Variants in STXBP4 observed in about 807,000 individuals in gnomAD.
STXBP4 encodes syntaxin-binding protein 4.
A neutral mutation model predicts 76.1 loss-of-function variants in STXBP4; 55 were observed. The ratio of observed to expected loss-of-function variants is 0.72; its 90% CI spans 0.58 to 0.91. STXBP4 has a LOEUF of 0.91. STXBP4 is among the 40% of genes least tolerant of loss of function. STXBP4 has a pLI of 0.00. For missense variants in STXBP4, 618 were observed against 636.9 expected, an observed-to-expected ratio of 0.97 and a Z score of 0.32; for synonymous variants, 201 against 220.2, an observed-to-expected ratio of 0.91 and a Z score of 0.77.
At chr17:54,984,715 G>T (rs1205101942) in intron 1 of STXBP4, among the ~76,000 whole-genome samples, 1 of 152,108 alleles carries the variant, frequency 6.6e-6, no homozygotes, top group Non-Finnish European at 1.5e-5. Flanking sequence ...TTGTGAATCA[G>T]TTGCTGATGT....
At chr17:55,124,448 A>G (rs992054282) in intron 16 of STXBP4, among the ~76,000 whole-genome samples, 5 of 152,254 alleles carry the variant, frequency 3.3e-5, no homozygotes, top group South Asian at 2.1e-4. Flanking sequence ...AGGGAATACA[A>G]TGAGATTAAA....
the STXBP4 span, among the ~76,000 whole-genome samples, chr17:55,190,640 G>A: frequency 1.3e-5 from 2 of 152,138 alleles, no homozygotes; most frequent in Non-Finnish European, 2.9e-5. Flanking sequence ...ACAAAGGAAG[G>A]AATGGTGGAT....
intron 16 of STXBP4, among the ~76,000 whole-genome samples, chr17:55,087,507 A>G (rs971308326): frequency 2.0e-5 from 3 of 152,174 alleles, no homozygotes; most frequent in Non-Finnish European, 4.4e-5. Flanking sequence ...TGAAGAGACT[A>G]TCCTTTCCCA....
Position 55,061,543 on chromosome 17 carries a change from A to G in STXBP4, c.1012-11357A>G, listed in dbSNP as rs112743989. Among the ~76,000 whole-genome samples the G allele has an allele frequency of 2.6e-4, 39 of 152,286 alleles. 2 individuals carry two copies. Among genetic ancestry groups the G allele is most frequent in the African/African-American group, 8.7e-4 (36 of 41,566 alleles). ...AAATGTTCCTGTTTCCATTTCAGAT[A>G]GTCACTGTGGCCTCAGAATGCCAGC... On this transcript the variant is annotated intron_variant, in intron 12 of 17. Transcript: ENST00000376352.
At chr17:55,184,947 C>T in the STXBP4 span, among the ~76,000 whole-genome samples, 1 of 152,180 alleles carries the variant, frequency 6.6e-6, no homozygotes, top group Non-Finnish European at 1.5e-5. Context: ...TCACAGCTCA[C>T]TGCAGCCTTG....
intron 16 of STXBP4, among the ~76,000 whole-genome samples, chr17:55,132,953 G>A (rs2787483): frequency 0.21 from 31,537 of 152,120 alleles, 3,803 homozygotes; most frequent in Non-Finnish European, 0.28. Context: ...GGAACAGTAT[G>A]AGACCAATGC....
chr17:55,060,888 A>G (rs2078986753), intron 12 of STXBP4, among the ~76,000 whole-genome samples: 1 of 152,180 alleles, frequency 6.6e-6, no homozygotes, highest in Non-Finnish European at 1.5e-5. Flanking sequence ...CTTTCAGCAT[A>G]GTATTATGAC....
At chr17:55,147,503 G>A (rs1422048894) in intron 17 of STXBP4, among the ~76,000 whole-genome samples, 1 of 152,044 alleles carries the variant, frequency 6.6e-6, no homozygotes, top group Non-Finnish European at 1.5e-5. Context: ...TTATACTGTT[G>A]GTGATTTTTC....
chr17:54,979,022 T>C (rs978817306), intron 1 of STXBP4, among the ~76,000 whole-genome samples: 7 of 152,166 alleles, frequency 4.6e-5, no homozygotes, highest in Non-Finnish European at 1.5e-5. Context: ...AATTACTAAC[T>C]ATTCTGTAAT....
At chr17:55,114,928 GA>G (rs1236992819) in intron 16 of STXBP4, among the ~76,000 whole-genome samples, 1 of 151,788 alleles carries the variant, frequency 6.6e-6, no homozygotes, top group Non-Finnish European at 1.5e-5. Context: ...TTGGAGCTCA[GA>G]AAAAAATAAT....
chr17:55,199,356 G>A, the STXBP4 span, among the ~76,000 whole-genome samples: 1 of 152,328 alleles, frequency 6.6e-6, no homozygotes, highest in Non-Finnish European at 1.5e-5. Context: ...TATAGGAAGT[G>A]ATCAAAGTCC....
chr17:55,183,528 A>G, the STXBP4 span, among the ~76,000 whole-genome samples: 2 of 152,256 alleles, frequency 1.3e-5, no homozygotes, highest in African/African-American at 4.8e-5. Flanking sequence ...AGCCAAATAT[A>G]TCAGCAATTG....
the STXBP4 span, among the ~76,000 whole-genome samples, chr17:55,186,719 A>C: frequency 2.0e-5 from 3 of 152,210 alleles, no homozygotes; most frequent in African/African-American, 7.2e-5. Flanking sequence ...AGGAATACAC[A>C]AGGTCTCTGT....
Position 55,160,098 on chromosome 17 carries a change from A to G in STXBP4, c.*187A>G. ...ATTTCTGTATACATTTAAAAAATCA[A>G]TTGCCACTACAGTAGTTCCTTAAGA... On this transcript the variant is annotated 3_prime_UTR_variant, in exon 18 of 18. Coordinates refer to ENST00000376352, the MANE Select transcript of STXBP4 (RefSeq NM_178509.6). The G allele has an allele frequency of 4.4e-6, 2 of 459,088 alleles. No homozygotes were observed. The highest frequency in any genetic ancestry group is 4.2e-5 in the South Asian group (1 of 23,642). The allele number at this position is 459,088 out of a possible 1,614,324, so 28.4% of individuals were successfully genotyped here. A position where few individuals can be genotyped will look rare whatever the true frequency, so the allele number is the denominator to read the frequency against.
At chr17:55,078,057 C>A (rs371542630) in intron 13 of STXBP4, 21 bp from the exon 14 acceptor site, 74 of 1,483,896 alleles carry the variant, frequency 5.0e-5, no homozygotes, top group Admixed American at 2.8e-4. Flanking sequence ...TGTAAATGCT[C>A]CTTTTGATAT....
rs199615821 is a variant in STXBP4, at chr17:55,122,840, ACT to A, written c.1490-18467_1490-18466del. Among the ~76,000 whole-genome samples the A allele has an allele frequency of 5.9e-4, 90 of 152,250 alleles. No homozygotes were observed. In the East Asian group the frequency reaches 0.015, roughly 25 times the overall value. ...AGAAACTTTTAAGTGCTTTTGAAGCACTCTTTTATAAATAAAGTTTTGAGTTA... is the reference window on the plus strand; with the variant it reads ...AGAAACTTTTAAGTGCTTTTGAAGCACTTTTATAAATAAAGTTTTGAGTTA... On this transcript the variant is annotated intron_variant, in intron 16 of 17. Transcript: ENST00000376352.
chr17:55,011,372 A>G (rs547975592), intron 8 of STXBP4, among the ~76,000 whole-genome samples: 1 of 152,142 alleles, frequency 6.6e-6, no homozygotes, highest in South Asian at 2.1e-4. Flanking sequence ...AACCTTTGAC[A>G]TTGCTAATGT....
At chr17:55,054,760 A>G (rs1040970246) in intron 12 of STXBP4, among the ~76,000 whole-genome samples, 4 of 152,192 alleles carry the variant, frequency 2.6e-5, no homozygotes, top group Admixed American at 6.6e-5. Context: ...ATTACAAATA[A>G]TAGAAGAAAA....
chr17:55,185,710 A>T, the STXBP4 span, among the ~76,000 whole-genome samples: 1 of 152,186 alleles, frequency 6.6e-6, no homozygotes, highest in African/African-American at 2.4e-5. Context: ...AACTACTCTG[A>T]TAGGGCAAAG....
Sources: allele counts gnomAD v4.1 joint callset (sites outside exome capture counted in the v4.1 genomes callset), GRCh38; gene constraint gnomAD v4.1.1; transcripts MANE v1.5; gene names NCBI Gene and HGNC (gene_info 2026-07-23, HGNC 2026-07-21).